APP: variants seen among roughly 807,000 people sequenced by gnomAD.
APP encodes amyloid beta precursor protein.
In APP, 31 loss-of-function variants were observed where a neutral mutation model predicts 101.4. That is an observed-to-expected ratio of 0.31 (90% CI 0.23 to 0.41). The LOEUF (loss-of-function observed/expected upper bound fraction) is 0.41, where lower values mean the gene tolerates loss of function less well. Among genes scored for constraint, APP ranks in the 10% least tolerant of loss-of-function variants. The probability of loss-of-function intolerance (pLI) is 1.00; values close to 1 mark genes in which losing one functional copy is unlikely to be tolerated. For synonymous variants in APP, 366 were observed against 364.4 expected (o/e 1.00, Z -0.05); for missense variants, 839 against 1,003.7 (o/e 0.84, Z 2.22).
intron 3 of APP, among the ~76,000 whole-genome samples, chr21:26,062,196 C>A (rs945296070): frequency 2.1e-5 from 3 of 143,766 alleles, no homozygotes; most frequent in Non-Finnish European, 4.6e-5. Flanking sequence ...GGTGACAGAG[C>A]GAGACTCTGT....
chr21:26,012,722 C>T (rs890101529), intron 6 of APP, among the ~76,000 whole-genome samples: 1 of 152,156 alleles, frequency 6.6e-6, no homozygotes, highest in African/African-American at 2.4e-5. Context: ...AACCAGTAAC[C>T]CAGCACTTTG....
At chr21:26,040,916 T>G (rs2045346712) in intron 5 of APP, among the ~76,000 whole-genome samples, 2 of 152,166 alleles carry the variant, frequency 1.3e-5, no homozygotes, top group African/African-American at 4.8e-5. Flanking sequence ...ACCTACAATT[T>G]TACATTGAAA....
In APP at chr21:26,016,886, A is replaced by C. The variant is rs1296169365; in HGVS notation, c.865+4954T>G. 2.1e-5 allele frequency among the ~76,000 whole-genome samples: 3 copies of C among 142,716 alleles called. No homozygotes were observed. In the South Asian group the frequency reaches 6.7e-4, roughly 32 times the overall value. The allele number at this position is 142,716 out of a possible 152,430, so 93.6% of individuals were successfully genotyped here. A position where few individuals can be genotyped will look rare whatever the true frequency, so the allele number is the denominator to read the frequency against. On this transcript the variant is annotated intron_variant, in intron 6 of 17. Coordinates refer to ENST00000346798, the MANE Select transcript of APP (RefSeq NM_000484.4). ...CGCCCAGCCCAGGCCAATTAAAAAA[A>C]TTTTTTTCGGCCACGCATGGTGGCC...
chr21:26,039,654 G>A (rs945718801), intron 5 of APP, among the ~76,000 whole-genome samples: 1 of 152,100 alleles, frequency 6.6e-6, no homozygotes, highest in Admixed American at 6.5e-5. Flanking sequence ...CAATTTACAT[G>A]ACAAAACAAA....
chr21:26,020,011 A>T (rs1172936395), intron 6 of APP, among the ~76,000 whole-genome samples: 1 of 152,238 alleles, frequency 6.6e-6, no homozygotes, highest in African/African-American at 2.4e-5. Flanking sequence ...GGAATGATAA[A>T]CTTAATCCAT....
At chr21:26,124,540 A>G (rs2062641754) in intron 1 of APP, among the ~76,000 whole-genome samples, 1 of 152,256 alleles carries the variant, frequency 6.6e-6, no homozygotes, top group Non-Finnish European at 1.5e-5. Context: ...CAGTGTGAGC[A>G]GTGAGACTTC....
intron 13 of APP, among the ~76,000 whole-genome samples, chr21:25,933,284 G>A (rs1160690294): frequency 6.6e-6 from 1 of 152,104 alleles, no homozygotes; most frequent in East Asian, 1.9e-4. Context: ...TATTTGTTTT[G>A]TAGAGATGGG....
chr21:26,150,887 GTAGT>G (rs1176917058), intron 1 of APP, among the ~76,000 whole-genome samples: 1 of 152,164 alleles, frequency 6.6e-6, no homozygotes, highest in East Asian at 1.9e-4. Context: ...TACTCATTAT[GTAGT>G]TACAGTATTG....
At chr21:25,944,544 T>G (rs1367750778) in intron 13 of APP, among the ~76,000 whole-genome samples, 3 of 152,242 alleles carry the variant, frequency 2.0e-5, no homozygotes, top group African/African-American at 7.2e-5. Flanking sequence ...CAAATTAACA[T>G]GTCTTCCAAA....
intron 1 of APP, among the ~76,000 whole-genome samples, chr21:26,122,476 T>C (rs2062595572): frequency 6.6e-6 from 1 of 152,130 alleles, no homozygotes. Context: ...GGAGAGTGAG[T>C]ACCCACTAAG....
chr21:25,970,049 C>T (rs957431406), intron 11 of APP, among the ~76,000 whole-genome samples: 2 of 151,170 alleles, frequency 1.3e-5, no homozygotes, highest in Non-Finnish European at 2.9e-5. Context: ...TAAATAAATC[C>T]GAGTTAAGAA....
chr21:26,091,953 A>G (rs2830050), intron 2 of APP, among the ~76,000 whole-genome samples: 119,727 of 151,954 alleles, frequency 0.79, 47,287 homozygotes, highest in East Asian at 0.92. Context: ...ACGGAATTTC[A>G]CTCACAATTG....
chr21:26,056,423 T>C (rs558721947), intron 3 of APP, among the ~76,000 whole-genome samples: 3 of 152,190 alleles, frequency 2.0e-5, no homozygotes, highest in African/African-American at 7.2e-5. Context: ...ATATTAGGAG[T>C]TCATTAGCTA....
chr21:26,135,277 C>T (rs1283184886), intron 1 of APP, among the ~76,000 whole-genome samples: 2 of 152,166 alleles, frequency 1.3e-5, no homozygotes, highest in Non-Finnish European at 2.9e-5. Context: ...CTTCTCACTT[C>T]GAAATTCAAG....
intron 9 of APP, among the ~76,000 whole-genome samples, chr21:25,980,956 T>C (rs540730129): frequency 1.3e-5 from 2 of 152,002 alleles, no homozygotes; most frequent in African/African-American, 4.8e-5. Context: ...CGAAGCAGGG[T>C]AGGCGGGTTT....
intron 3 of APP, among the ~76,000 whole-genome samples, chr21:26,072,517 G>T (rs1217314949): frequency 2.6e-5 from 4 of 152,026 alleles, no homozygotes; most frequent in African/African-American, 9.7e-5. Context: ...ACTTTGAGAG[G>T]ATTATGCTTA....
intron 13 of APP, among the ~76,000 whole-genome samples, chr21:25,914,203 A>G (rs2039222966): frequency 1.3e-5 from 2 of 151,830 alleles, no homozygotes; most frequent in African/African-American, 2.4e-5. Flanking sequence ...ATCCTTTTGC[A>G]TTCTATTTCT....
intron 6 of APP, 26 bp downstream of exon 6, chr21:26,021,814 G>A: frequency 6.2e-7 from 1 of 1,610,454 alleles, no homozygotes; most frequent in Non-Finnish European, 8.5e-7. Flanking sequence ...TGGGGGTGGG[G>A]GGAATCCAAG....
At chr21:26,114,578 C>T (rs1438029353) in intron 1 of APP, among the ~76,000 whole-genome samples, 1 of 152,218 alleles carries the variant, frequency 6.6e-6, no homozygotes, top group African/African-American at 2.4e-5. Flanking sequence ...TCTGGGATCA[C>T]TCACTGTGAG....
Sources: allele counts gnomAD v4.1 joint callset (sites outside exome capture counted in the v4.1 genomes callset), GRCh38; gene constraint gnomAD v4.1.1; transcripts MANE v1.5; gene names NCBI Gene and HGNC (gene_info 2026-07-23, HGNC 2026-07-21).